MAP4K3: variants seen among roughly 807,000 people sequenced by gnomAD.
The protein encoded by MAP4K3 is mitogen-activated protein kinase kinase kinase kinase 3, also known as MAPK/ERK kinase kinase kinase 3.
MAP4K3 carries 94 observed loss-of-function variants against 143.5 expected under a neutral mutation model. The observed-to-expected ratio is 0.65, with a 90% confidence interval of 0.55 to 0.78. The LOEUF (loss-of-function observed/expected upper bound fraction) is 0.78. Ranked by LOEUF, MAP4K3 falls within the 30% of genes least tolerant of loss-of-function variation. The probability of loss-of-function intolerance (pLI) is 0.00; values close to 1 mark genes in which losing one functional copy is unlikely to be tolerated. For synonymous variants in MAP4K3, 416 were observed against 347.2 expected (o/e 1.20, Z -2.20); for missense variants, 1,077 against 1,068.1 (o/e 1.01, Z -0.12).
intron 16 of MAP4K3, among the ~76,000 whole-genome samples, chr2:39,298,846 GT>G (rs1431236733): frequency 1.3e-5 from 2 of 151,650 alleles, no homozygotes; most frequent in African/African-American, 4.8e-5. Flanking sequence ...GGCCCTTGTA[GT>G]CCCAGCTACT....
chr2:39,342,546 T>C (rs1665174279), intron 4 of MAP4K3, among the ~76,000 whole-genome samples: 2 of 152,200 alleles, frequency 1.3e-5, no homozygotes, highest in Admixed American at 6.5e-5. Flanking sequence ...TCCTTTTCCC[T>C]ATTTCAACTG....
Position 39,356,328 on chromosome 2 carries a change from C to T in MAP4K3, c.166G>A (p.Ala56Thr). 1 of 1,584,124 alleles carries T rather than the reference C, an allele frequency of 6.3e-7. No individual in the cohort carries two copies. Among genetic ancestry groups the T allele is most frequent in the Non-Finnish European group, 8.6e-7 (1 of 1,160,458 alleles). ...VIKLEPGEDF[A>T]VVQQEIIMMK... is the part of the protein sequence containing the mutation. ...ATAATAATTTCTTGCTGCACAACTG[C>T]AAAGTCTTCTCCTGGAATAAAAAAC... The change falls in exon 3 of 34, where the codon GCA (alanine) becomes ACA (threonine). Residue 56 changes from alanine to threonine, a missense_variant. Coordinates refer to ENST00000263881, the MANE Select transcript of MAP4K3 (RefSeq NM_003618.4).
chr2:39,434,037 C>T (rs1248516911), intron 1 of MAP4K3, among the ~76,000 whole-genome samples: 7 of 152,146 alleles, frequency 4.6e-5, no homozygotes, highest in East Asian at 1.9e-4. Flanking sequence ...AACTAAACCA[C>T]GCCACCTTAA....
At chr2:39,346,298 A>C (rs1665290786) in intron 3 of MAP4K3, among the ~76,000 whole-genome samples, 1 of 152,230 alleles carries the variant, frequency 6.6e-6, no homozygotes, top group South Asian at 2.1e-4. Context: ...GTTTGTAGTT[A>C]ATCAAAACCT....
chr2:39,383,961 T>G (rs1177733061), intron 1 of MAP4K3, among the ~76,000 whole-genome samples: 1 of 151,678 alleles, frequency 6.6e-6, no homozygotes, highest in Non-Finnish European at 1.5e-5. Context: ...AAAAATTAGC[T>G]GGGCTTGGTC....
At chr2:39,372,544 C>T (rs1420056197) in intron 2 of MAP4K3, among the ~76,000 whole-genome samples, 3 of 148,396 alleles carry the variant, frequency 2.0e-5, no homozygotes, top group Admixed American at 1.3e-4. Context: ...TCAAATTATA[C>T]TACAGAGCTA....
intron 29 of MAP4K3, among the ~76,000 whole-genome samples, chr2:39,259,317 C>T (rs1488292268): frequency 6.6e-6 from 1 of 152,138 alleles, no homozygotes; most frequent in Non-Finnish European, 1.5e-5. Context: ...TATAAATGAA[C>T]AGCTCCGGGG....
intron 3 of MAP4K3, among the ~76,000 whole-genome samples, chr2:39,346,065 G>A (rs1288852682): frequency 6.6e-6 from 1 of 151,780 alleles, no homozygotes; most frequent in Non-Finnish European, 1.5e-5. Context: ...TTTCTAATAT[G>A]GTAAATACCA....
chr2:39,382,724 A>T (rs1666385136), intron 1 of MAP4K3, among the ~76,000 whole-genome samples: 1 of 152,240 alleles, frequency 6.6e-6, no homozygotes, highest in South Asian at 2.1e-4. Context: ...GCGATTAAGA[A>T]TGGGACCCAG....
intron 18 of MAP4K3, among the ~76,000 whole-genome samples, chr2:39,291,306 T>C (rs182126256): frequency 1.3e-5 from 2 of 152,334 alleles, no homozygotes; most frequent in Admixed American, 1.3e-4. Context: ...AATTGGGTAA[T>C]ACACTTTCTT....
At chr2:39,408,239 C>CT (rs1167786789) in intron 1 of MAP4K3, among the ~76,000 whole-genome samples, 1 of 152,178 alleles carries the variant, frequency 6.6e-6, no homozygotes, top group Non-Finnish European at 1.5e-5. Context: ...AAGGAACTGC[C>CT]TTTTAAAGTT....
At chr2:39,334,328 G>A (rs563595103) in intron 6 of MAP4K3, among the ~76,000 whole-genome samples, 103 of 152,142 alleles carry the variant, frequency 6.8e-4, no homozygotes, top group African/African-American at 2.3e-3. Flanking sequence ...TTTGGTCCAA[G>A]GTGCCATCAA....
chr2:39,366,747 T>C (rs187814025), intron 2 of MAP4K3, among the ~76,000 whole-genome samples: 1 of 152,350 alleles, frequency 6.6e-6, no homozygotes, highest in African/African-American at 2.4e-5. Context: ...GTCAAACTAC[T>C]GGAGTACCAG....
chr2:39,304,402 A>C (rs1487107489), intron 15 of MAP4K3, among the ~76,000 whole-genome samples: 1 of 152,236 alleles, frequency 6.6e-6, no homozygotes, highest in African/African-American at 2.4e-5. Context: ...TGGATTCCTC[A>C]GGCTTTTAGT....
At chr2:39,404,615 T>C (rs941938561) in intron 1 of MAP4K3, among the ~76,000 whole-genome samples, 1 of 142,038 alleles carries the variant, frequency 7.0e-6, no homozygotes, top group Non-Finnish European at 1.5e-5. Flanking sequence ...TCTTCTTTCT[T>C]TCTTTTTTTT....
chr2:39,359,898 T>C (rs563461486), intron 2 of MAP4K3, among the ~76,000 whole-genome samples: 2 of 152,348 alleles, frequency 1.3e-5, no homozygotes, highest in South Asian at 4.1e-4. Flanking sequence ...AGTACCATTT[T>C]TTCCTCCTAA....
At chr2:39,384,470 C>T (rs1188029833) in intron 1 of MAP4K3, among the ~76,000 whole-genome samples, 3 of 152,190 alleles carry the variant, frequency 2.0e-5, no homozygotes, top group East Asian at 1.9e-4. Flanking sequence ...CGCTTGAACC[C>T]GGGAGGCGGA....
intron 2 of MAP4K3, among the ~76,000 whole-genome samples, chr2:39,373,391 A>T (rs1162575074): frequency 6.6e-6 from 1 of 152,144 alleles, no homozygotes; most frequent in Non-Finnish European, 1.5e-5. Flanking sequence ...TTCCTCGAAA[A>T]ACTAAAAATA....
chr2:39,326,645 G>A (rs1283683087), intron 8 of MAP4K3, among the ~76,000 whole-genome samples: 1 of 152,094 alleles, frequency 6.6e-6, no homozygotes, highest in Non-Finnish European at 1.5e-5. Flanking sequence ...TTTGGGGGGT[G>A]GGCAGGGGCA....
Sources: allele counts gnomAD v4.1 joint callset (sites outside exome capture counted in the v4.1 genomes callset), GRCh38; gene constraint gnomAD v4.1.1; transcripts MANE v1.5; gene names NCBI Gene and HGNC (gene_info 2026-07-23, HGNC 2026-07-21).